FAAH2: variants seen among roughly 807,000 people sequenced by gnomAD.
The protein encoded by FAAH2 is fatty-acid amide hydrolase 2.
In FAAH2, 60 loss-of-function variants were observed where a neutral mutation model predicts 36.9. The observed-to-expected ratio is 1.63, with a 90% CI of 1.32 to 2.02. FAAH2 has a LOEUF of 2.02. FAAH2 is among the 30% of genes most tolerant of loss of function. The pLI is 0.00. For missense variants in FAAH2, 689 were observed against 397.5 expected (o/e 1.73, Z -6.23); for synonymous variants, 214 against 143.8 (o/e 1.49, Z -3.49).
the FAAH2 span, among the ~76,000 whole-genome samples, chrX:57,270,068 A>G: frequency 8.9e-6 from 1 of 112,352 alleles, no homozygotes; most frequent in Non-Finnish European, 1.9e-5. Context: ...AAATAAAATT[A>G]TCAATGAATG....
the FAAH2 span, among the ~76,000 whole-genome samples, chrX:57,232,700 T>C: frequency 8.9e-6 from 1 of 112,309 alleles, no homozygotes. Flanking sequence ...AATCCATTAC[T>C]GTTATAACTG....
At chrX:57,397,510 G>A (rs1179878441) in intron 7 of FAAH2, among the ~76,000 whole-genome samples, 1 of 110,650 alleles carries the variant, frequency 9.0e-6, no homozygotes, top group African/African-American at 3.3e-5. Flanking sequence ...AGTACTTTAC[G>A]TTTTTTCATT....
intron 8 of FAAH2, among the ~76,000 whole-genome samples, chrX:57,439,033 G>A (rs142660067): frequency 3.6e-3 from 403 of 110,671 alleles, no homozygotes; most frequent in Middle Eastern, 0.014. Context: ...CCAAGTCTTC[G>A]CTATTGCAGA....
chrX:57,447,787 T>C (rs1299624355), intron 9 of FAAH2, among the ~76,000 whole-genome samples: 1 of 111,688 alleles, frequency 9.0e-6, no homozygotes, highest in African/African-American at 3.3e-5. Context: ...AAACCATTTT[T>C]TCCTCTTAGG....
the FAAH2 span, among the ~76,000 whole-genome samples, chrX:57,122,599 T>C: frequency 8.9e-6 from 1 of 112,616 alleles, no homozygotes; most frequent in Non-Finnish European, 1.9e-5. Context: ...GGTTGTATAC[T>C]AATGTTGTAC....
the FAAH2 span, among the ~76,000 whole-genome samples, chrX:57,270,181 C>T: frequency 5.4e-5 from 6 of 111,435 alleles, no homozygotes; most frequent in African/African-American, 2.0e-4. Flanking sequence ...AAATTGAATT[C>T]CTGAACAGAC....
chrX:57,207,546 ATCC>A, the FAAH2 span, among the ~76,000 whole-genome samples: 1 of 112,007 alleles, frequency 8.9e-6, no homozygotes, highest in East Asian at 2.8e-4. Context: ...GTGATTCCAA[ATCC>A]TCCTGTTCGT....
At chrX:57,229,480 A>C in the FAAH2 span, 1 of 111,334 alleles carries the variant, frequency 9.0e-6, no homozygotes, top group Non-Finnish European at 1.9e-5. Context: ...CCACGTTGCT[A>C]TTCAGGGATT....
At chrX:57,300,416 C>G (rs750781505) in intron 2 of FAAH2, among the ~76,000 whole-genome samples, 1 of 111,936 alleles carries the variant, frequency 8.9e-6, no homozygotes, top group Non-Finnish European at 1.9e-5. Context: ...ATGTAGAAAG[C>G]TGAAATTGGA....
the FAAH2 span, among the ~76,000 whole-genome samples, chrX:57,157,388 C>G: frequency 5.4e-5 from 6 of 111,966 alleles, no homozygotes; most frequent in Non-Finnish European, 1.1e-4. Context: ...GGGCCAGGAC[C>G]TGGGTTTCTC....
intron 8 of FAAH2, among the ~76,000 whole-genome samples, chrX:57,444,125 C>T (rs1344028751): frequency 8.9e-6 from 1 of 112,219 alleles, no homozygotes; most frequent in African/African-American, 3.2e-5. Context: ...AGAACCAGTA[C>T]TCTCTTCAAA....
chrX:57,307,013 A>G (rs1307792052), intron 2 of FAAH2, among the ~76,000 whole-genome samples: 1 of 70,689 alleles, frequency 1.4e-5, no homozygotes, highest in African/African-American at 4.2e-5. Context: ...ATATATATAT[A>G]TATAGCCTTT....
At chrX:57,194,945 T>C in the FAAH2 span, among the ~76,000 whole-genome samples, 1 of 111,607 alleles carries the variant, frequency 9.0e-6, no homozygotes, top group Non-Finnish European at 1.9e-5. Context: ...TAATATTCCA[T>C]GGTGTGTGTG....
At chrX:57,289,184 A>G (rs746723619) in intron 1 of FAAH2, among the ~76,000 whole-genome samples, 1 of 112,128 alleles carries the variant, frequency 8.9e-6, no homozygotes, top group East Asian at 2.8e-4. Flanking sequence ...AATGCCACAC[A>G]GCTAGAAAGT....
At chrX:57,470,863 C>T (rs1385287993) in intron 10 of FAAH2, among the ~76,000 whole-genome samples, 3 of 111,317 alleles carry the variant, frequency 2.7e-5, no homozygotes, top group South Asian at 3.8e-4. Flanking sequence ...ACTGGCAAAC[C>T]GAATCCAGCA....
chrX:57,427,927 T>A (rs1228460334), intron 7 of FAAH2, among the ~76,000 whole-genome samples: 1 of 111,575 alleles, frequency 9.0e-6, no homozygotes, highest in African/African-American at 3.2e-5. Context: ...GAGAAAGAAA[T>A]AAAAGCCCTC....
At chrX:57,415,008 A>T (rs373199878) in intron 7 of FAAH2, among the ~76,000 whole-genome samples, 2 of 109,553 alleles carry the variant, frequency 1.8e-5, no homozygotes, top group East Asian at 5.7e-4. Flanking sequence ...TTTCTTGTTT[A>T]TTTGCATAGA....
chrX:57,347,420 G>T (rs781230961), intron 5 of FAAH2, among the ~76,000 whole-genome samples: 14 of 110,397 alleles, frequency 1.3e-4, no homozygotes, highest in South Asian at 1.1e-3. Context: ...AGGTCTGTTT[G>T]GTTCTTTCTT....
At chrX:57,423,362 G>A (rs908295567) in intron 7 of FAAH2, among the ~76,000 whole-genome samples, 1 of 111,529 alleles carries the variant, frequency 9.0e-6, no homozygotes, top group African/African-American at 3.3e-5. Context: ...GAAATTGGGA[G>A]CTCTTCCCTT....
Sources: allele counts gnomAD v4.1 joint callset (sites outside exome capture counted in the v4.1 genomes callset), GRCh38; gene constraint gnomAD v4.1.1; transcripts MANE v1.5; gene names NCBI Gene and HGNC (gene_info 2026-07-23, HGNC 2026-07-21).